Variants in ZNF385B observed in about 807,000 individuals in gnomAD.
The protein encoded by ZNF385B is zinc finger protein 385B.
In ZNF385B, 23 loss-of-function variants were observed where a neutral mutation model predicts 39.2. The observed-to-expected ratio is 0.59, with a 90% confidence interval of 0.42 to 0.83. ZNF385B has a LOEUF of 0.83. Ranked by LOEUF, ZNF385B falls within the 40% of genes least tolerant of loss-of-function variation. The pLI is 0.00. For missense variants in ZNF385B, 552 were observed against 598.9 expected (o/e 0.92, Z 0.82); for synonymous variants, 205 against 222.6 (o/e 0.92, Z 0.70).
intron 1 of ZNF385B, among the ~76,000 whole-genome samples, chr2:179,786,467 C>G (rs755491140): frequency 2.0e-5 from 3 of 151,982 alleles, no homozygotes; most frequent in African/African-American, 4.8e-5. Context: ...ATAAGAACAA[C>G]AAAATACAAT....
Position 179,485,890 on chromosome 2 carries a change from C to A in ZNF385B, c.553-2456G>T, listed in dbSNP as rs7596176. On this transcript the variant is annotated intron_variant, in intron 5 of 9. Coordinates refer to ENST00000410066, the MANE Select transcript of ZNF385B (RefSeq NM_152520.6). ...GTCACCCAAGGTCTATAGCCTTTTACTGACTATACATGGTCCCTAACTTCC... is the reference window on the plus strand; with the variant it reads ...GTCACCCAAGGTCTATAGCCTTTTAATGACTATACATGGTCCCTAACTTCC... Among the ~76,000 whole-genome samples the A allele has an allele frequency of 8.1e-3, 1,231 of 152,284 alleles. 14 individuals carry two copies. Among genetic ancestry groups the A allele is most frequent in the African/African-American group, 0.028 (1,153 of 41,556 alleles).
chr2:179,687,504 A>G (rs1335864188), intron 3 of ZNF385B, among the ~76,000 whole-genome samples: 1 of 152,142 alleles, frequency 6.6e-6, no homozygotes, highest in East Asian at 1.9e-4. Context: ...GACCTACCAC[A>G]CTGATTTTTT....
At chr2:179,509,381 T>G (rs1364050287) in intron 5 of ZNF385B, among the ~76,000 whole-genome samples, 1 of 152,198 alleles carries the variant, frequency 6.6e-6, no homozygotes. Context: ...GACTACTATA[T>G]GCTTCAAAAA....
chr2:179,653,603 T>C (rs1368901437), intron 3 of ZNF385B, among the ~76,000 whole-genome samples: 1 of 152,156 alleles, frequency 6.6e-6, no homozygotes, highest in East Asian at 1.9e-4. Context: ...CAGTGTTCAG[T>C]CAAAACTCTG....
intron 5 of ZNF385B, among the ~76,000 whole-genome samples, chr2:179,494,972 G>A (rs926785521): frequency 1.3e-5 from 2 of 151,736 alleles, no homozygotes; most frequent in African/African-American, 4.8e-5. Context: ...TTCTGCTTGA[G>A]AAAAACAGAG....
rs146785707 is a variant in ZNF385B, at chr2:179,533,536, G to A, written c.441+11291C>T. Among the ~76,000 whole-genome samples the A allele has an allele frequency of 5.6e-3, 854 of 152,172 alleles. 4 individuals are homozygous for A. The highest frequency in any genetic ancestry group is 0.019 in the African/African-American group (803 of 41,512). On this transcript the variant is annotated intron_variant, in intron 4 of 9. Coordinates refer to ENST00000410066, the MANE Select transcript of ZNF385B (RefSeq NM_152520.6). Reference sequence around the variant, plus strand: ...GTAGGCAGCGAACTTACAATTAGACGCCATGCTCGGAGCACAGGTTAAGGG... The same window carrying A: ...GTAGGCAGCGAACTTACAATTAGACACCATGCTCGGAGCACAGGTTAAGGG...
At chr2:179,769,445 T>G in intron 3 of ZNF385B, 58 bp downstream of exon 3, 3 of 1,595,500 alleles carry the variant, frequency 1.9e-6, no homozygotes, top group Non-Finnish European at 2.6e-6. Flanking sequence ...ATCCTTCATT[T>G]TCCAGACCAG....
chr2:179,639,547 G>GA (rs1047936318), intron 3 of ZNF385B, among the ~76,000 whole-genome samples: 10 of 151,584 alleles, frequency 6.6e-5, no homozygotes, highest in Non-Finnish European at 1.2e-4. Flanking sequence ...ATAAATCTGA[G>GA]AAAAAACAAA....
In ZNF385B at chr2:179,725,916, A is replaced by G. The variant is rs865868223; in HGVS notation, c.298+43587T>C. On this transcript the variant is annotated intron_variant, in intron 3 of 9. Transcript: ENST00000410066. ...AATATATGTGTTTGTGTGTGTATAT[A>G]TATATATATATATATATGTGTATAT... Among the ~76,000 whole-genome samples the G allele has an allele frequency of 9.9e-3, 1,406 of 141,716 alleles. 13 individuals are homozygous for G. Among genetic ancestry groups the G allele is most frequent in the African/African-American group, 0.026 (934 of 36,546 alleles). The allele number at this position is 141,716 out of a possible 152,430, so 93.0% of individuals were successfully genotyped here. A position where few individuals can be genotyped will look rare whatever the true frequency, so the allele number is the denominator to read the frequency against.
chr2:179,530,544 T>G (rs954957427), intron 4 of ZNF385B, among the ~76,000 whole-genome samples: 1 of 152,182 alleles, frequency 6.6e-6, no homozygotes, highest in Admixed American at 6.5e-5. Context: ...AAAACCATTC[T>G]GTCAAAGCTA....
intron 6 of ZNF385B, among the ~76,000 whole-genome samples, chr2:179,447,112 A>G (rs1451152545): frequency 6.6e-6 from 1 of 152,162 alleles, no homozygotes; most frequent in East Asian, 1.9e-4. Flanking sequence ...CCTCTGATAC[A>G]ATTACATGAT....
chr2:179,736,071 T>G (rs566922519), intron 3 of ZNF385B, among the ~76,000 whole-genome samples: 15 of 152,248 alleles, frequency 9.9e-5, no homozygotes, highest in African/African-American at 3.6e-4. Context: ...TATTTTATTA[T>G]TTTTATGTAA....
intron 6 of ZNF385B, among the ~76,000 whole-genome samples, chr2:179,463,588 G>C (rs2051615403): frequency 6.6e-6 from 1 of 151,974 alleles, no homozygotes; most frequent in Non-Finnish European, 1.5e-5. Context: ...CCACTTATGA[G>C]TGAGAACATG....
chr2:179,556,391 A>G (rs2060907418), intron 3 of ZNF385B, among the ~76,000 whole-genome samples: 1 of 149,692 alleles, frequency 6.7e-6, no homozygotes, highest in Non-Finnish European at 1.5e-5. Flanking sequence ...TTCTCAGCTT[A>G]TAACCCAATA....
At chr2:179,609,537 T>TG (rs1689113324) in intron 3 of ZNF385B, among the ~76,000 whole-genome samples, 1 of 152,180 alleles carries the variant, frequency 6.6e-6, no homozygotes, top group Non-Finnish European at 1.5e-5. Flanking sequence ...GCAATAAACA[T>TG]GGGAGCACAG....
intron 3 of ZNF385B, among the ~76,000 whole-genome samples, chr2:179,722,424 T>C (rs1265476088): frequency 1.3e-5 from 2 of 152,064 alleles, no homozygotes; most frequent in African/African-American, 4.8e-5. Flanking sequence ...GAATAGAGTA[T>C]AAAAAGAAAC....
intron 4 of ZNF385B, among the ~76,000 whole-genome samples, chr2:179,521,356 T>TTTTTA (rs1342487195): frequency 6.9e-6 from 1 of 144,934 alleles, no homozygotes; most frequent in African/African-American, 2.6e-5. Context: ...CTGGCCAGTT[T>TTTTTA]TTTTTTTTTT....
At chr2:179,447,007 G>A (rs1260068148) in intron 6 of ZNF385B, among the ~76,000 whole-genome samples, 1 of 152,050 alleles carries the variant, frequency 6.6e-6, no homozygotes, top group African/African-American at 2.4e-5. Context: ...AAATGACTTT[G>A]TTCTCCCAGT....
chr2:179,775,891 C>A (rs1474727934), intron 1 of ZNF385B, among the ~76,000 whole-genome samples: 1 of 152,170 alleles, frequency 6.6e-6, no homozygotes, highest in Non-Finnish European at 1.5e-5. Context: ...TCTTTTCTTT[C>A]ATAAAATATT....
Sources: gnomAD v4.1 joint callset for allele counts (sites outside exome capture counted in the v4.1 genomes callset) on GRCh38, gnomAD v4.1.1 for gene constraint, MANE v1.5 for transcripts, NCBI Gene and HGNC (gene_info 2026-07-23, HGNC 2026-07-21) for gene names.